Variants in DOCK1 observed in about 807,000 individuals in gnomAD.
The protein encoded by DOCK1 is dedicator of cytokinesis protein 1.
Under a neutral mutation model 262.7 loss-of-function variants are expected in DOCK1, and 138 were observed. The ratio of observed to expected loss-of-function variants is 0.53; its 90% CI spans 0.46 to 0.61. DOCK1 has a LOEUF of 0.61. Ranked by LOEUF, DOCK1 falls within the 20% of genes least tolerant of loss-of-function variation. The probability of loss-of-function intolerance (pLI) is 0.00; values close to 1 mark genes in which losing one functional copy is unlikely to be tolerated. For synonymous variants in DOCK1, 866 were observed against 867.4 expected, an observed-to-expected ratio of 1.00 and a Z score of 0.03; for missense variants, 1,908 against 2,370.7, an observed-to-expected ratio of 0.80 and a Z score of 4.05.
chr10:126,970,797 T>C lies in DOCK1; in HGVS notation c.130+12T>C. The C allele has an allele frequency of 6.2e-7, 1 of 1,609,304 alleles. No individual in the cohort carries two copies. Among genetic ancestry groups the C allele is most frequent in the African/African-American group, 1.3e-5 (1 of 74,996 alleles). On this transcript the variant is annotated intron_variant, in intron 2 of 51. Coordinates refer to ENST00000623213, the MANE Select transcript of DOCK1 (RefSeq NM_001290223.2). ...AGAAACATATGAAGGTGCGTATGCA[T>C]CTTGGTATCTTTTCTCTTACATTTT...
intron 27 of DOCK1, among the ~76,000 whole-genome samples, chr10:127,207,183 G>C (rs1442155394): frequency 1.3e-5 from 2 of 152,170 alleles, no homozygotes. Context: ...ACCAGTTCTT[G>C]CTGGTCATAG....
chr10:127,005,385 A>G (rs1408392135), intron 10 of DOCK1, among the ~76,000 whole-genome samples: 1 of 152,156 alleles, frequency 6.6e-6, no homozygotes, highest in African/African-American at 2.4e-5. Flanking sequence ...AGGTTGATCA[A>G]CATTTTGGTA....
intron 33 of DOCK1, among the ~76,000 whole-genome samples, chr10:127,362,986 TCCCC>T (rs150863826): frequency 4.0e-3 from 21 of 5,186 alleles, no homozygotes; most frequent in South Asian, 0.026. Flanking sequence ...CACATACACA[TCCCC>T]CCCCACACAC....
chr10:127,244,661 A>T (rs1450184626), intron 27 of DOCK1, among the ~76,000 whole-genome samples: 4 of 152,046 alleles, frequency 2.6e-5, no homozygotes. Context: ...TTAGGCATTT[A>T]GTGTCCTGGT....
Position 127,380,066 on chromosome 10 carries a change from T to C in DOCK1, c.3676-16T>C. ...GAACAGATTTCTTAAAACAGTATTA[T>C]GGTTTAACTTTTCAGAATTTCTACA... On this transcript the variant is annotated splice_polypyrimidine_tract_variant and intron_variant, in intron 35 of 51. Transcript: ENST00000623213. The C allele has an allele frequency of 6.8e-7, 1 of 1,477,998 alleles. No homozygotes were observed. Among genetic ancestry groups the C allele is most frequent in the East Asian group, 2.5e-5 (1 of 40,402 alleles). The allele number at this position is 1,477,998 out of a possible 1,614,324, so 91.6% of individuals were successfully genotyped here. A position where few individuals can be genotyped will look rare whatever the true frequency, so the allele number is the denominator to read the frequency against.
chr10:127,418,690 T>A lies in DOCK1; in HGVS notation c.4692+149T>A. On this transcript the variant is annotated intron_variant, in intron 45 of 51. Transcript: ENST00000623213. The stretch of plus-strand genomic sequence containing the variant: ...GCCAAGGCCAGGCAGCAGCAGCCAG[T>A]GGCGGCCCCTGAAGCCTGCAGCAAG... The A allele has an allele frequency of 1.9e-6, 2 of 1,069,320 alleles. 1 individual carries two copies. The highest frequency in any genetic ancestry group is 3.5e-5 in the South Asian group (2 of 56,874). 66.2% of individuals were successfully genotyped at this position (1,069,320 alleles called of 1,614,324 possible).
chr10:127,237,677 C>T (rs2059121887), intron 27 of DOCK1, among the ~76,000 whole-genome samples: 1 of 152,132 alleles, frequency 6.6e-6, no homozygotes, highest in African/African-American at 2.4e-5. Context: ...CCCTTTTGCC[C>T]AAGTTAAAAT....
intron 27 of DOCK1, among the ~76,000 whole-genome samples, chr10:127,202,560 A>C (rs2057519530): frequency 6.6e-6 from 1 of 152,170 alleles, no homozygotes; most frequent in Non-Finnish European, 1.5e-5. Context: ...TAGGTTCCAC[A>C]GGCATGGAAG....
At chr10:126,989,123 A>G (rs2039619984) in intron 5 of DOCK1, among the ~76,000 whole-genome samples, 1 of 152,016 alleles carries the variant, frequency 6.6e-6, no homozygotes, top group Non-Finnish European at 1.5e-5. Context: ...GATATTAGCA[A>G]AATAGTAAGG....
rs141922232 is a variant in DOCK1 at position 127,012,177 on chromosome 10, A to T, written c.1059-55A>T. Reference sequence around the variant, plus strand: ...TTATGTTCCCTTGTTACCGTGGCCCATGGGTCTCTGTGCCCCTTTGTCTCC... The same window carrying T: ...TTATGTTCCCTTGTTACCGTGGCCCTTGGGTCTCTGTGCCCCTTTGTCTCC... On this transcript the variant is annotated intron_variant, in intron 11 of 51. Transcript: ENST00000623213. The surrounding 1 kb of genome is among the most constrained non-coding windows in gnomAD (Gnocchi z 4.0). 7 of 931,334 alleles carry T rather than the reference A, an allele frequency of 7.5e-6. No individual in the cohort carries two copies. Among genetic ancestry groups the T allele is most frequent in the South Asian group, 6.7e-5 (5 of 74,514 alleles). The allele number at this position is 931,334 out of a possible 1,614,324, so 57.7% of individuals were successfully genotyped here. A position where few individuals can be genotyped will look rare whatever the true frequency, so the allele number is the denominator to read the frequency against.
chr10:127,106,649 A>T (rs994649924), intron 24 of DOCK1, among the ~76,000 whole-genome samples: 1 of 152,068 alleles, frequency 6.6e-6, no homozygotes, highest in Admixed American at 6.6e-5. Flanking sequence ...CTGACATAGG[A>T]GCTTTAATAT....
intron 29 of DOCK1, among the ~76,000 whole-genome samples, chr10:127,283,632 T>C (rs2061043055): frequency 6.6e-6 from 1 of 152,262 alleles, no homozygotes; most frequent in Non-Finnish European, 1.5e-5. Context: ...ATAATCATGG[T>C]GTAATATCAT....
At chr10:127,120,805 A>G (rs1233065828) in intron 25 of DOCK1, among the ~76,000 whole-genome samples, 2 of 152,158 alleles carry the variant, frequency 1.3e-5, no homozygotes, top group East Asian at 1.9e-4. Context: ...AGAAGTTTCC[A>G]TGTTGGGTAT....
intron 27 of DOCK1, among the ~76,000 whole-genome samples, chr10:127,161,222 A>T (rs1395267541): frequency 6.6e-6 from 1 of 152,236 alleles, no homozygotes; most frequent in Non-Finnish European, 1.5e-5. Context: ...ACGCAAGTAC[A>T]TTGTCTTAGC....
At chr10:127,084,454 G>A (rs977608632) in intron 23 of DOCK1, among the ~76,000 whole-genome samples, 7 of 152,164 alleles carry the variant, frequency 4.6e-5, no homozygotes, top group Non-Finnish European at 7.3e-5. Flanking sequence ...GTGTCTGAGC[G>A]CTTCTTTGGT....
intron 27 of DOCK1, among the ~76,000 whole-genome samples, chr10:127,157,411 A>T (rs2053187502): frequency 6.6e-6 from 1 of 152,256 alleles, no homozygotes; most frequent in Admixed American, 6.5e-5. Flanking sequence ...CCCTTTGGGC[A>T]TTATTTTAAA....
At chr10:126,956,473 C>G (rs967624119) in intron 1 of DOCK1, among the ~76,000 whole-genome samples, 1 of 152,098 alleles carries the variant, frequency 6.6e-6, no homozygotes, top group Non-Finnish European at 1.5e-5. Flanking sequence ...GAGGGGAGCA[C>G]AGGAACAGGA....
At chr10:127,420,689 A>G (rs1316618103) in intron 46 of DOCK1, among the ~76,000 whole-genome samples, 3 of 151,934 alleles carry the variant, frequency 2.0e-5, no homozygotes, top group African/African-American at 7.2e-5. Flanking sequence ...AAGATACAAA[A>G]TTAGCTGGGC....
At chr10:127,449,410 A>C (rs1304512908) in intron 51 of DOCK1, among the ~76,000 whole-genome samples, 1 of 152,140 alleles carries the variant, frequency 6.6e-6, no homozygotes, top group African/African-American at 2.4e-5. Context: ...TTCTTGTTAC[A>C]AATCAACTCC....
Sources: allele counts gnomAD v4.1 joint callset (sites outside exome capture counted in the v4.1 genomes callset), GRCh38; gene constraint gnomAD v4.1.1; non-coding constraint Gnocchi (gnomAD v3.1); transcripts MANE v1.5; gene names NCBI Gene and HGNC (gene_info 2026-07-23, HGNC 2026-07-21).